COL8A1: variants seen among roughly 807,000 people sequenced by gnomAD.
COL8A1 encodes collagen alpha-1(VIII) chain.
A neutral mutation model predicts 42.7 loss-of-function variants in COL8A1; 21 were observed. The ratio of observed to expected loss-of-function variants is 0.49; its 90% confidence interval spans 0.35 to 0.71. The LOEUF is 0.71. Among genes scored for constraint, COL8A1 ranks in the 30% least tolerant of loss-of-function variants. The pLI is 0.01. For missense variants in COL8A1, 788 were observed against 962.4 expected (o/e 0.82, Z 2.40); for synonymous variants, 367 against 369.1 (o/e 0.99, Z 0.06).
intron 1 of COL8A1, among the ~76,000 whole-genome samples, chr3:99,699,573 C>T (rs1939472588): frequency 6.6e-6 from 1 of 152,222 alleles, no homozygotes; most frequent in South Asian, 2.1e-4. Context: ...AGAGCTTCAA[C>T]TCAAAGACCT....
At chr3:99,683,448 A>C (rs1442286650) in intron 1 of COL8A1, among the ~76,000 whole-genome samples, 2 of 152,236 alleles carry the variant, frequency 1.3e-5, no homozygotes, top group Non-Finnish European at 2.9e-5. Context: ...ATTTCATTGA[A>C]AATAAGACTT....
intron 2 of COL8A1, among the ~76,000 whole-genome samples, chr3:99,767,691 T>G (rs551971521): frequency 6.6e-6 from 1 of 152,334 alleles, no homozygotes; most frequent in African/African-American, 2.4e-5. Flanking sequence ...CCCTTTCAGT[T>G]GATTACCAAA....
intron 1 of COL8A1, among the ~76,000 whole-genome samples, chr3:99,744,300 G>A (rs1393015284): frequency 6.6e-6 from 1 of 152,164 alleles, no homozygotes; most frequent in Non-Finnish European, 1.5e-5. Context: ...CCAAAACAGA[G>A]TTAAATTTCT....
intron 1 of COL8A1, among the ~76,000 whole-genome samples, chr3:99,705,180 A>G (rs565839347): frequency 1.3e-5 from 2 of 152,288 alleles, no homozygotes; most frequent in Admixed American, 6.5e-5. Flanking sequence ...TCAAAAACCC[A>G]GTTTCCCATT....
intron 2 of COL8A1, among the ~76,000 whole-genome samples, chr3:99,760,056 C>G (rs567952551): frequency 6.6e-6 from 1 of 152,054 alleles, no homozygotes; most frequent in Admixed American, 6.6e-5. Context: ...CAATTTTTAC[C>G]ACTTCTACTA....
At chr3:99,775,396 GA>G (rs1206851774) in intron 2 of COL8A1, among the ~76,000 whole-genome samples, 1 of 152,204 alleles carries the variant, frequency 6.6e-6, no homozygotes, top group African/African-American at 2.4e-5. Flanking sequence ...CAAGATATGG[GA>G]AAAGAGGGCT....
At chr3:99,653,393 G>T (rs1937913043) in intron 1 of COL8A1, among the ~76,000 whole-genome samples, 1 of 151,800 alleles carries the variant, frequency 6.6e-6, no homozygotes, top group Admixed American at 6.6e-5. Flanking sequence ...GTTTTGGTTT[G>T]GTTTGGGTGG....
At chr3:99,653,382 G>A (rs1289519200) in intron 1 of COL8A1, among the ~76,000 whole-genome samples, 1 of 151,588 alleles carries the variant, frequency 6.6e-6, no homozygotes, top group Non-Finnish European at 1.5e-5. Context: ...TCTTTTTTTT[G>A]GTTTTGGTTT....
chr3:99,720,536 CATT>C (rs1240795954), intron 1 of COL8A1, among the ~76,000 whole-genome samples: 1 of 152,076 alleles, frequency 6.6e-6, no homozygotes, highest in Non-Finnish European at 1.5e-5. Context: ...AAGGCGATAA[CATT>C]ATAAAAATAA....
intron 1 of COL8A1, among the ~76,000 whole-genome samples, chr3:99,733,959 G>A (rs1226424941): frequency 4.6e-5 from 7 of 152,034 alleles, no homozygotes; most frequent in Non-Finnish European, 7.4e-5. Flanking sequence ...TTTGAGAAGT[G>A]TCTGTTCATG....
rs116757178 is a variant in COL8A1, at chr3:99,768,995, C to A, written c.-3-21685C>A. Among the ~76,000 whole-genome samples, 1,089 of 152,284 alleles carry A rather than the reference C, an allele frequency of 7.2e-3. 7 individuals carry two copies. The highest frequency in any genetic ancestry group is 0.011 in the Non-Finnish European group (766 of 68,024). Reference sequence around the variant, plus strand: ...GTTTTGTTAACTCAAATGAATCATACAGGAAAGGATTTTGTTGTTATTTGG... The same window carrying A: ...GTTTTGTTAACTCAAATGAATCATAAAGGAAAGGATTTTGTTGTTATTTGG... On this transcript the variant is annotated intron_variant, in intron 2 of 3. Transcript: ENST00000652472.
chr3:99,708,740 T>G (rs906789146), intron 1 of COL8A1, among the ~76,000 whole-genome samples: 7 of 152,180 alleles, frequency 4.6e-5, no homozygotes, highest in African/African-American at 7.2e-5. Context: ...TAGGGAGAGA[T>G]AATTTTCTAA....
chr3:99,741,391 G>A (rs1416913022), intron 1 of COL8A1, among the ~76,000 whole-genome samples: 1 of 152,028 alleles, frequency 6.6e-6, no homozygotes, highest in African/African-American at 2.4e-5. Flanking sequence ...CCAACTTTCT[G>A]TTGTAAAAAT....
In COL8A1 at chr3:99,796,116, T is replaced by C; in HGVS notation, c.2215T>C (p.Tyr739His). ...GQYVHSSFSG[Y>H]LLYPM ...GTATGTCCACTCCTCCTTTTCAGGA[T>C]ATTTATTGTATCCCATGTAAAAACA... Residue 739 changes from tyrosine (Y) to histidine (H), a missense_variant, in exon 4 of 4, where the codon TAT (tyrosine) becomes CAT (histidine). Coordinates refer to ENST00000652472, the MANE Select transcript of COL8A1 (RefSeq NM_020351.4). 1 of 1,515,272 alleles carries C rather than the reference T, an allele frequency of 6.6e-7. No homozygotes were observed. Among genetic ancestry groups the C allele is most frequent in the Non-Finnish European group, 8.8e-7 (1 of 1,130,066 alleles). 93.9% of individuals were successfully genotyped at this position (1,515,272 alleles called of 1,614,324 possible).
At chr3:99,652,027 A>C (rs534379254) in intron 1 of COL8A1, among the ~76,000 whole-genome samples, 3 of 152,228 alleles carry the variant, frequency 2.0e-5, no homozygotes, top group Admixed American at 2.0e-4. Flanking sequence ...TCTAGAGTCA[A>C]TGGTAAAGAT....
chr3:99,771,156 G>T (rs1559631904), intron 2 of COL8A1, among the ~76,000 whole-genome samples: 1 of 152,180 alleles, frequency 6.6e-6, no homozygotes, highest in East Asian at 1.9e-4. Context: ...TTAGGGACAG[G>T]AAAGAATCAG....
intron 1 of COL8A1, among the ~76,000 whole-genome samples, chr3:99,716,835 C>T (rs1191207121): frequency 6.6e-6 from 1 of 152,010 alleles, no homozygotes; most frequent in Non-Finnish European, 1.5e-5. Flanking sequence ...TATTATTAGT[C>T]ATAAGGTTGT....
chr3:99,748,802 T>C (rs1941084399), intron 2 of COL8A1, among the ~76,000 whole-genome samples: 3 of 152,222 alleles, frequency 2.0e-5, no homozygotes, highest in Non-Finnish European at 4.4e-5. Context: ...AAAATCTGGC[T>C]TCATTAGTTG....
rs558868466 is a variant in COL8A1, at chr3:99,725,787, G to A, written c.-128-19110G>A. On this transcript the variant is annotated intron_variant, in intron 1 of 3. Transcript: ENST00000652472. ...GCATACTATTCCATGGTGCATATGTGCAACATTTTCTTAATCCAGTCTATC... is the reference window on the plus strand; with the variant it reads ...GCATACTATTCCATGGTGCATATGTACAACATTTTCTTAATCCAGTCTATC... Among the ~76,000 whole-genome samples, 4 of 151,932 alleles carry A rather than the reference G, an allele frequency of 2.6e-5. No individual in the cohort carries two copies. In the South Asian group the frequency reaches 6.3e-4, roughly 24 times the overall value.
Sources: allele counts gnomAD v4.1 joint callset (sites outside exome capture counted in the v4.1 genomes callset), GRCh38; gene constraint gnomAD v4.1.1; transcripts MANE v1.5; gene names NCBI Gene and HGNC (gene_info 2026-07-23, HGNC 2026-07-21).